The following NFATC2 variants were observed in gnomAD, a reference collection of about 807,000 sequenced individuals.
NFATC2 encodes the protein nuclear factor of activated T-cells, cytoplasmic 2.
Under a neutral mutation model 87.3 loss-of-function variants are expected in NFATC2, and 22 were observed. That is an observed-to-expected ratio of 0.25 (90% CI 0.18 to 0.36). NFATC2 has a LOEUF of 0.36. Among genes scored for constraint, NFATC2 ranks in the 10% least tolerant of loss-of-function variants. The pLI is 1.00. For missense variants in NFATC2, 1,149 were observed against 1,259.1 expected (o/e 0.91, Z 1.32); for synonymous variants, 565 against 542.2 (o/e 1.04, Z -0.58).
Position 51,512,294 on chromosome 20 carries a change from G to A in NFATC2, c.1332+4490C>T, listed in dbSNP as rs1197872277. ...GGACAAGCTTCTAATCAGCCATCAC[G>A]TCCCACCGTGAGTCCAGGCATCAGC... On this transcript the variant is annotated intron_variant, in intron 3 of 10. Coordinates refer to ENST00000371564, the MANE Select transcript of NFATC2 (RefSeq NM_012340.5). Among the ~76,000 whole-genome samples, 10 of 152,120 alleles carry A rather than the reference G, an allele frequency of 6.6e-5. No individual in the cohort carries two copies. The South Asian group carries it at 1.9e-3, about 28-fold the overall frequency.
chr20:51,468,172 C>T (rs569759731), intron 5 of NFATC2, among the ~76,000 whole-genome samples: 7 of 152,102 alleles, frequency 4.6e-5, no homozygotes, highest in African/African-American at 7.2e-5. Context: ...CTTGAGGAGG[C>T]GGCCTTGGCT....
At position 51,475,609 on chromosome 20, in the gene NFATC2, T is replaced by G. The variant is rs1190168192; in HGVS notation, c.1384A>C (p.Thr462Pro). ...GGCTTAAGGATCCGCTCATCAGCTG[T>G]CCCAATGAAGATCTGAAGTCCCAGA... ...KPLGLQIFIG[T>P]ADERILKPHA... Residue 462 changes from threonine to proline, a missense_variant, in exon 4 of 11, where the codon ACA becomes CCA. Thr to Pro is a conservative substitution (Grantham distance 38). Transcript: ENST00000371564. 2 of 1,614,012 alleles carry G rather than the reference T, an allele frequency of 1.2e-6. No individual in the cohort carries two copies. Among genetic ancestry groups the G allele is most frequent in the Non-Finnish European group, 1.7e-6 (2 of 1,180,030 alleles).
intron 9 of NFATC2, among the ~76,000 whole-genome samples, chr20:51,416,106 A>G (rs1465507428): frequency 3.9e-5 from 6 of 152,252 alleles, no homozygotes; most frequent in Middle Eastern, 3.4e-3. Flanking sequence ...TACTAAAAAT[A>G]CAAAAATTAT....
intron 9 of NFATC2, among the ~76,000 whole-genome samples, chr20:51,407,527 T>C (rs977012110): frequency 4.6e-5 from 7 of 152,238 alleles, no homozygotes; most frequent in African/African-American, 1.7e-4. Context: ...TCGGGTGCTG[T>C]AGTCCTCAGC....
intron 6 of NFATC2, among the ~76,000 whole-genome samples, chr20:51,450,797 A>T (rs1019939686): frequency 6.6e-6 from 1 of 152,204 alleles, no homozygotes; most frequent in African/African-American, 2.4e-5. Flanking sequence ...AGCTGTGATT[A>T]TTACTCTTGT....
upstream of NFATC2, among the ~76,000 whole-genome samples, chr20:51,543,299 C>T (rs1047338283): frequency 6.6e-6 from 1 of 152,240 alleles, no homozygotes; most frequent in African/African-American, 2.4e-5. Flanking sequence ...GAGCCAGACA[C>T]TGTTGCCCTC....
rs113701351 is a variant in NFATC2, at chr20:51,523,773, G to A, written c.468C>T (p.Pro156=). The change falls in exon 2 of 11, where the codon CCC becomes CCT. Residue 156 remains proline, a synonymous_variant. Coordinates refer to ENST00000371564, the MANE Select transcript of NFATC2 (RefSeq NM_012340.5). The surrounding 1 kb of genome is among the most constrained non-coding windows in gnomAD (Gnocchi z 6.9). ...AASPRFTLPV[P]GFEGYREPLC... ...GCGGCTCGCGGTAGCCCTCGAAGCC[G>A]GGCACGGGCAGGGTGAACCTCGGGC... is the stretch of plus-strand genomic sequence containing the variant. The A allele has an allele frequency of 2.5e-5, 40 of 1,609,342 alleles. No homozygotes were observed. In the African/African-American group the frequency reaches 3.2e-4, roughly 13 times the overall value.
At chr20:51,521,347 GTC>G (rs1256322621) in intron 2 of NFATC2, among the ~76,000 whole-genome samples, 1 of 151,920 alleles carries the variant, frequency 6.6e-6, no homozygotes, top group Non-Finnish European at 1.5e-5. Context: ...TTGAGGTGGA[GTC>G]TCACTCTGTC....
chr20:51,465,975 C>T (rs1042668467), intron 5 of NFATC2, among the ~76,000 whole-genome samples: 8 of 152,042 alleles, frequency 5.3e-5, no homozygotes, highest in Admixed American at 1.3e-4. Context: ...TTTCAGCTTC[C>T]GGCAGGAGCA....
intron 10 of NFATC2, among the ~76,000 whole-genome samples, chr20:51,396,572 A>G (rs1987175640): frequency 6.6e-6 from 1 of 152,104 alleles, no homozygotes; most frequent in Non-Finnish European, 1.5e-5. Flanking sequence ...TGCCCACGAG[A>G]GCCTGGGCCC....
chr20:51,415,608 G>A (rs911703850), intron 9 of NFATC2, among the ~76,000 whole-genome samples: 1 of 152,138 alleles, frequency 6.6e-6, no homozygotes, highest in African/African-American at 2.4e-5. Flanking sequence ...GCTCACAGCT[G>A]GGCCAGCACA....
rs530800904 is a variant in NFATC2, at chr20:51,455,627, A to G, written c.1709-939T>C. On this transcript the variant is annotated intron_variant, in intron 5 of 10. Transcript: ENST00000371564. ...CTTTAACCTACTAGCATATAAGCCCAGGAAGGAGGGGCTTCGCTTTGTGTA... is the reference window on the plus strand; with the variant it reads ...CTTTAACCTACTAGCATATAAGCCCGGGAAGGAGGGGCTTCGCTTTGTGTA... 3.6e-4 allele frequency among the ~76,000 whole-genome samples: 51 copies of G among 140,448 alleles called. 2 individuals are homozygous for G. In the South Asian group the frequency reaches 0.011, roughly 30 times the overall value. The allele number at this position is 140,448 out of a possible 152,430, so 92.1% of individuals were successfully genotyped here.
At chr20:51,505,589 C>T (rs2076165688) in intron 3 of NFATC2, among the ~76,000 whole-genome samples, 1 of 152,118 alleles carries the variant, frequency 6.6e-6, no homozygotes, top group African/African-American at 2.4e-5. Flanking sequence ...CCCCGCTAAG[C>T]TGTGGACTTG....
intron 10 of NFATC2, among the ~76,000 whole-genome samples, chr20:51,398,049 G>T (rs1240700293): frequency 2.0e-5 from 3 of 149,662 alleles, no homozygotes; most frequent in Non-Finnish European, 4.5e-5. Context: ...GGGCTCAGCC[G>T]AGCACCCTGG....
chr20:51,399,014 G>A (rs1212833312), intron 9 of NFATC2: 2 of 317,576 alleles, frequency 6.3e-6, no homozygotes, highest in East Asian at 1.1e-4. Context: ...GGCTGCTGTG[G>A]GTATGTGATG....
intron 9 of NFATC2, among the ~76,000 whole-genome samples, chr20:51,429,684 C>T (rs947376357): frequency 7.9e-5 from 12 of 152,166 alleles, no homozygotes; most frequent in South Asian, 2.1e-4. Flanking sequence ...TTATAATGTC[C>T]GCTAGCAGGA....
At chr20:51,400,605 T>G (rs902494135) in intron 9 of NFATC2, among the ~76,000 whole-genome samples, 1 of 152,158 alleles carries the variant, frequency 6.6e-6, no homozygotes, top group East Asian at 1.9e-4. Flanking sequence ...TGTTTAGTCA[T>G]AGAGTTTCAC....
intron 10 of NFATC2, among the ~76,000 whole-genome samples, chr20:51,394,211 T>A (rs1433223339): frequency 6.6e-6 from 1 of 152,068 alleles, no homozygotes; most frequent in Non-Finnish European, 1.5e-5. Flanking sequence ...AAATGCCGGC[T>A]AGGTGGTGGT....
intron 10 of NFATC2, 152 bp from the exon 11 acceptor site, chr20:51,391,603 C>A (rs1986356069): frequency 2.5e-6 from 2 of 810,028 alleles, no homozygotes; most frequent in South Asian, 3.3e-5. Flanking sequence ...AGTGCAATGG[C>A]ATGATCATGG....
Sources: allele counts gnomAD v4.1 joint callset (sites outside exome capture counted in the v4.1 genomes callset), GRCh38; gene constraint gnomAD v4.1.1; non-coding constraint Gnocchi (gnomAD v3.1); transcripts MANE v1.5; gene names NCBI Gene and HGNC (gene_info 2026-07-23, HGNC 2026-07-21).